BTLA: variants seen among roughly 807,000 people sequenced by gnomAD.
The protein encoded by BTLA is B and T lymphocyte associated.
Under a neutral mutation model 25.0 loss-of-function variants are expected in BTLA, and 11 were observed. That is an observed-to-expected ratio of 0.44 (90% confidence interval 0.28 to 0.73). The LOEUF is 0.73. Ranked by LOEUF, BTLA falls within the 30% of genes least tolerant of loss-of-function variation. The probability of loss-of-function intolerance (pLI) is 0.15; values close to 1 mark genes in which losing one functional copy is unlikely to be tolerated. For synonymous variants in BTLA, 104 were observed against 119.8 expected (o/e 0.87, Z 0.86); for missense variants, 282 against 332.8 (o/e 0.85, Z 1.19).
At chr3:112,476,836 C>G (rs963034698) in intron 2 of BTLA, among the ~76,000 whole-genome samples, 4 of 152,162 alleles carry the variant, frequency 2.6e-5, no homozygotes, top group Admixed American at 2.0e-4. Flanking sequence ...ATTTAGTAGT[C>G]ATGTCACATT....
intron 1 of BTLA, among the ~76,000 whole-genome samples, chr3:112,484,199 A>C (rs1386879996): frequency 6.6e-6 from 1 of 152,192 alleles, no homozygotes; most frequent in Non-Finnish European, 1.5e-5. Flanking sequence ...ATTGATACAC[A>C]ACTGGATCAT....
At chr3:112,485,167 C>T (rs1217160009) in intron 1 of BTLA, among the ~76,000 whole-genome samples, 2 of 152,142 alleles carry the variant, frequency 1.3e-5, no homozygotes, top group Admixed American at 1.3e-4. Flanking sequence ...GCCTCAGCCT[C>T]CCCGGTGGCT....
At chr3:112,496,604 T>G (rs1173971105) in intron 1 of BTLA, among the ~76,000 whole-genome samples, 1 of 152,142 alleles carries the variant, frequency 6.6e-6, no homozygotes, top group Non-Finnish European at 1.5e-5. Flanking sequence ...TATAAGGTAT[T>G]TAATGTGGTT....
rs1404117374 is a variant in BTLA, at chr3:112,499,323, T to C, written c.36A>G (p.Lys12=). The C allele has an allele frequency of 6.2e-7, 1 of 1,613,726 alleles. No individual in the cohort carries two copies. Among genetic ancestry groups the C allele is most frequent in the African/African-American group, 1.3e-5 (1 of 74,842 alleles). The part of the protein sequence containing the change: ...KTLPAMLGTG[K]LFWVFFLIPY... The stretch of plus-strand genomic sequence containing the variant: ...GGATTAAGAAGAAGACCCAAAATAA[T>C]TTCCCAGTTCCAAGCATGGCAGGCA... Residue 12 remains lysine, a synonymous_variant, in exon 1 of 5, where the codon AAA becomes AAG. Coordinates refer to ENST00000334529, the MANE Select transcript of BTLA (RefSeq NM_181780.4).
intron 1 of BTLA, among the ~76,000 whole-genome samples, chr3:112,490,600 G>A (rs1231543240): frequency 4.8e-5 from 4 of 83,148 alleles, no homozygotes; most frequent in Non-Finnish European, 9.3e-5. Context: ...TTTCTCCCTG[G>A]GTAAACACAC....
At chr3:112,473,611 C>CTTTTTTTTTTTT (rs777897332) in intron 2 of BTLA, among the ~76,000 whole-genome samples, 2 of 115,154 alleles carry the variant, frequency 1.7e-5, no homozygotes, top group Non-Finnish European at 3.5e-5. Context: ...TTTTCTTCTT[C>CTTTTTTTTTTTT]TTTTTTTTTT....
chr3:112,488,132 C>T (rs1208575537), intron 1 of BTLA, among the ~76,000 whole-genome samples: 3 of 152,214 alleles, frequency 2.0e-5, no homozygotes, highest in East Asian at 1.9e-4. Flanking sequence ...ATTGTCACAG[C>T]GTACCAAATG....
At chr3:112,469,253 C>T (rs1216441184) in intron 4 of BTLA, among the ~76,000 whole-genome samples, 1 of 152,066 alleles carries the variant, frequency 6.6e-6, no homozygotes, top group Non-Finnish European at 1.5e-5. Context: ...TGCCAGGGAC[C>T]TCTGTGTAAT....
chr3:112,492,657 C>T (rs144292888), intron 1 of BTLA, among the ~76,000 whole-genome samples: 1 of 152,224 alleles, frequency 6.6e-6, no homozygotes, highest in East Asian at 1.9e-4. Context: ...TTTTCAAAGC[C>T]CTTGAAGATA....
At chr3:112,471,144 C>A in intron 3 of BTLA, 68 bp downstream of exon 3, 1 of 1,503,740 alleles carries the variant, frequency 6.7e-7, no homozygotes, top group Non-Finnish European at 9.0e-7. Context: ...ACTAAAAATC[C>A]TTTAGCCCCA....
chr3:112,496,041 A>G (rs778813876), intron 1 of BTLA, among the ~76,000 whole-genome samples: 16 of 152,328 alleles, frequency 1.1e-4, no homozygotes, highest in Non-Finnish European at 2.1e-4. Context: ...TAATCAATCA[A>G]ACAGTTCCAA....
At chr3:112,495,788 A>G (rs1338528096) in intron 1 of BTLA, among the ~76,000 whole-genome samples, 3 of 152,138 alleles carry the variant, frequency 2.0e-5, no homozygotes, top group African/African-American at 7.2e-5. Flanking sequence ...ATATTTTTTG[A>G]CCCAAAGATA....
intron 1 of BTLA, among the ~76,000 whole-genome samples, chr3:112,494,126 C>A (rs1047501977): frequency 6.6e-6 from 1 of 151,846 alleles, no homozygotes; most frequent in Admixed American, 6.6e-5. Flanking sequence ...AAAAAGAAGA[C>A]ATTTATGCCA....
At chr3:112,479,362 G>T in intron 2 of BTLA, 93 bp downstream of exon 2, 6 of 1,239,788 alleles carry the variant, frequency 4.8e-6, no homozygotes, top group South Asian at 1.4e-5. Context: ...ATAGGAGTTG[G>T]CTTTCTAACA....
intron 4 of BTLA, 109 bp downstream of exon 4, chr3:112,469,649 A>ATATATATATAT (rs59880426): frequency 2.1e-6 from 1 of 471,070 alleles, no homozygotes; most frequent in Admixed American, 3.2e-5. Flanking sequence ...ATATATATAT[A>ATATATATATAT]GTACATAGAA....
intron 2 of BTLA, among the ~76,000 whole-genome samples, chr3:112,478,417 C>A (rs547262550): frequency 6.6e-6 from 1 of 151,912 alleles, no homozygotes; most frequent in South Asian, 2.1e-4. Flanking sequence ...CCTTAATTTT[C>A]TTTGTGGATT....
At chr3:112,480,058 T>A (rs1309175492) in intron 1 of BTLA, among the ~76,000 whole-genome samples, 6 of 152,238 alleles carry the variant, frequency 3.9e-5, no homozygotes, top group Non-Finnish European at 8.8e-5. Context: ...CTGAAGCAAC[T>A]GAAGATCCAC....
At chr3:112,474,372 C>G (rs940975202) in intron 2 of BTLA, among the ~76,000 whole-genome samples, 1 of 152,096 alleles carries the variant, frequency 6.6e-6, no homozygotes, top group African/African-American at 2.4e-5. Flanking sequence ...CTTTGACCCT[C>G]CCTGTTATTT....
chr3:112,465,358 G>A lies in BTLA; in HGVS notation c.*750C>T, dbSNP rs1056080595. The A allele has an allele frequency of 1.3e-5, 2 of 152,586 alleles. No individual in the cohort carries two copies. Among genetic ancestry groups the A allele is most frequent in the East Asian group, 1.9e-4 (1 of 5,194 alleles). The allele number at this position is 152,586 out of a possible 1,614,324, so 9.5% of individuals were successfully genotyped here. The stretch of plus-strand genomic sequence containing the variant: ...AAGTATATTAATTCAGCAGCATTAT[G>A]TCACATTCCTATCCATTAGTCTATG... On this transcript the variant is annotated 3_prime_UTR_variant, in exon 5 of 5. Transcript: ENST00000334529.
Sources: gnomAD v4.1 joint callset for allele counts (sites outside exome capture counted in the v4.1 genomes callset) on GRCh38, gnomAD v4.1.1 for gene constraint, MANE v1.5 for transcripts, NCBI Gene and HGNC (gene_info 2026-07-23, HGNC 2026-07-21) for gene names.